The following GLIS1 variants were observed in gnomAD, a reference collection of about 807,000 sequenced individuals.
GLIS1 encodes the protein GLIS family zinc finger 1, also known as zinc finger protein GLIS1.
GLIS1 carries 24 observed loss-of-function variants against 63.8 expected under a neutral mutation model. The ratio of observed to expected loss-of-function variants is 0.38; its 90% CI spans 0.27 to 0.53. The LOEUF (loss-of-function observed/expected upper bound fraction) is 0.53, where lower values mean the gene tolerates loss of function less well. GLIS1 is among the 20% of genes least tolerant of loss of function. The pLI is 0.85. For synonymous variants in GLIS1, 450 were observed against 482.5 expected (o/e 0.93, Z 0.88); for missense variants, 1,036 against 1,074.1 (o/e 0.96, Z 0.50).
intron 2 of GLIS1, among the ~76,000 whole-genome samples, chr1:53,719,234 C>A (rs1286407697): frequency 6.6e-6 from 1 of 152,236 alleles, no homozygotes; most frequent in Non-Finnish European, 1.5e-5. Context: ...TATTTCCAGG[C>A]ATGGATCAAA....
rs551924735 is a variant in GLIS1, at chr1:53,579,469, T to C, written c.1320+14639A>G. 1.7e-4 allele frequency among the ~76,000 whole-genome samples: 26 copies of C among 152,362 alleles called. No homozygotes were observed. In the South Asian group the frequency reaches 5.0e-3, roughly 29 times the overall value. Reference sequence around the variant, plus strand: ...CGCTGCTCAGGCTGTGGGAGGGGGATCCCATGGCTGATTTCACCAACCAGT... The same window carrying C: ...CGCTGCTCAGGCTGTGGGAGGGGGACCCCATGGCTGATTTCACCAACCAGT... On this transcript the variant is annotated intron_variant, in intron 4 of 10. Coordinates refer to ENST00000628545, the MANE Select transcript of GLIS1 (RefSeq NM_001367484.1).
Position 53,506,768 on chromosome 1 carries a change from C to T in GLIS1, c.2239G>A (p.Ala747Thr). The stretch of plus-strand genomic sequence containing the variant: ...GTGGGGCATGAGGCCTCAGCCAGGG[C>T]CTCATAGCCTGTGAGTGGTTGGGAA... ...STPLPATGYEALAEASCPTAL... is the reference protein window; with the variant it reads ...STPLPATGYETLAEASCPTAL... The change falls in exon 11 of 11, where the codon GCC (alanine) becomes ACC (threonine). Residue 747 changes from alanine (A) to threonine (T), a missense_variant. Transcript: ENST00000628545. 6.2e-7 allele frequency: 1 copy of T among 1,609,938 alleles called. No individual in the cohort carries two copies. Among genetic ancestry groups the T allele is most frequent in the South Asian group, 1.1e-5 (1 of 91,060 alleles).
intron 2 of GLIS1, among the ~76,000 whole-genome samples, chr1:53,698,757 T>C (rs1386496565): frequency 1.3e-5 from 2 of 152,212 alleles, no homozygotes; most frequent in African/African-American, 4.8e-5. Context: ...AGGCTTTCCC[T>C]GTGTTTCCCT....
At chr1:53,662,909 T>C (rs1646044811) in intron 2 of GLIS1, among the ~76,000 whole-genome samples, 1 of 152,190 alleles carries the variant, frequency 6.6e-6, no homozygotes, top group Non-Finnish European at 1.5e-5. Flanking sequence ...TACACCCCCA[T>C]TTTATAGATG....
intron 2 of GLIS1, among the ~76,000 whole-genome samples, chr1:53,657,456 G>A (rs1557506189): frequency 6.6e-6 from 1 of 152,218 alleles, no homozygotes; most frequent in Non-Finnish European, 1.5e-5. Flanking sequence ...GGTGTGGCCT[G>A]TGACTGCTTT....
At chr1:53,521,575 G>T (rs928035087) in intron 6 of GLIS1, among the ~76,000 whole-genome samples, 1 of 152,174 alleles carries the variant, frequency 6.6e-6, no homozygotes, top group Non-Finnish European at 1.5e-5. Flanking sequence ...GAGTGACGAT[G>T]GCTGGGGGCA....
intron 3 of GLIS1, 122 bp from the exon 4 acceptor site, chr1:53,595,112 G>T: frequency 1.3e-6 from 1 of 798,046 alleles, no homozygotes; most frequent in Non-Finnish European, 1.8e-6. Flanking sequence ...AGGAGGCAGA[G>T]GCTGAGGGCT....
Position 53,598,534 on chromosome 1 carries a change from C to CAA in GLIS1, c.437+1565_437+1566dup. On this transcript the variant is annotated intron_variant, in intron 3 of 10. Coordinates refer to ENST00000628545, the MANE Select transcript of GLIS1 (RefSeq NM_001367484.1). This position sits in a 1 kb window ranked among gnomAD's most constrained non-coding sequence, Gnocchi z 4.6. ...TGGGTGACAGAGTCAGACCCTGTCT[C>CAA]AAAAAAAAAAAAGGAGGAATTAGGG... Among the ~76,000 whole-genome samples, 1 of 138,548 alleles carries CAA rather than the reference C, an allele frequency of 7.2e-6. No homozygotes were observed. The highest frequency in any genetic ancestry group is 2.7e-5 in the African/African-American group (1 of 37,648). The allele number at this position is 138,548 out of a possible 152,430, so 90.9% of individuals were successfully genotyped here.
At chr1:53,673,025 C>T (rs2141082) in intron 2 of GLIS1, among the ~76,000 whole-genome samples, 41,467 of 152,080 alleles carry the variant, frequency 0.27, 5,774 homozygotes, top group African/African-American at 0.34. Context: ...GGGTACATTA[C>T]TCCCTGAGCT....
At chr1:53,622,657 A>G (rs1232890195) in intron 2 of GLIS1, among the ~76,000 whole-genome samples, 2 of 152,116 alleles carry the variant, frequency 1.3e-5, no homozygotes, top group East Asian at 3.9e-4. Flanking sequence ...GACAGGGAAG[A>G]GGCGACATGG....
At chr1:53,660,759 G>A (rs1646018512) in intron 2 of GLIS1, among the ~76,000 whole-genome samples, 1 of 152,142 alleles carries the variant, frequency 6.6e-6, no homozygotes, top group South Asian at 2.1e-4. Context: ...GGCTGGATGG[G>A]GGCTCTCCTG....
chr1:53,521,901 C>T (rs1015641630), intron 6 of GLIS1, among the ~76,000 whole-genome samples: 6 of 152,230 alleles, frequency 3.9e-5, no homozygotes, highest in African/African-American at 1.4e-4. Flanking sequence ...CTTGGCTCAG[C>T]CAAATGCTCA....
At chr1:53,512,198 G>C (rs1381108794) in intron 8 of GLIS1, among the ~76,000 whole-genome samples, 1 of 152,206 alleles carries the variant, frequency 6.6e-6, no homozygotes. Flanking sequence ...AGGCTATGCT[G>C]CTCTACCTGA....
At chr1:53,683,071 G>A (rs930738643) in intron 2 of GLIS1, among the ~76,000 whole-genome samples, 2 of 152,242 alleles carry the variant, frequency 1.3e-5, no homozygotes, top group African/African-American at 4.8e-5. Flanking sequence ...GGAATGGTCT[G>A]TGCAAAGGCA....
intron 2 of GLIS1, among the ~76,000 whole-genome samples, chr1:53,707,462 C>A (rs1213689992): frequency 6.6e-6 from 1 of 151,962 alleles, no homozygotes; most frequent in Non-Finnish European, 1.5e-5. Flanking sequence ...CAAGCCTGGA[C>A]AATATGCTGA....
chr1:53,685,927 G>A (rs554675759), intron 2 of GLIS1, among the ~76,000 whole-genome samples: 3 of 152,134 alleles, frequency 2.0e-5, no homozygotes, highest in Non-Finnish European at 2.9e-5. Context: ...CCTGTGGCCA[G>A]CCCCACCTCA....
chr1:53,572,017 A>C (rs1644989615), intron 4 of GLIS1, among the ~76,000 whole-genome samples: 1 of 152,270 alleles, frequency 6.6e-6, no homozygotes, highest in Non-Finnish European at 1.5e-5. Flanking sequence ...AATCATGTTA[A>C]AGAAAGCAGC....
intron 4 of GLIS1, among the ~76,000 whole-genome samples, chr1:53,591,662 A>AC (rs946994390): frequency 1.3e-5 from 2 of 152,082 alleles, no homozygotes; most frequent in African/African-American, 4.8e-5. Context: ...CACAGTATCT[A>AC]CCCCACAGCA....
In GLIS1 at chr1:53,636,435, G is replaced by T. The variant is rs895492203; in HGVS notation, c.260-36157C>A. Among the ~76,000 whole-genome samples, 16 of 149,426 alleles carry T rather than the reference G, an allele frequency of 1.1e-4. No individual in the cohort carries two copies. In the East Asian group the frequency reaches 3.1e-3, roughly 29 times the overall value. On this transcript the variant is annotated intron_variant, in intron 2 of 10. Transcript: ENST00000628545. ...TAAAATAAAAACATTAACCAACCCC[G>T]AAAAGAAAAAAAAAAGCTTCCTTAA...
Sources: allele counts gnomAD v4.1 joint callset (sites outside exome capture counted in the v4.1 genomes callset), GRCh38; gene constraint gnomAD v4.1.1; non-coding constraint Gnocchi (gnomAD v3.1); transcripts MANE v1.5; gene names NCBI Gene and HGNC (gene_info 2026-07-23, HGNC 2026-07-21).